The following ARID1B variants were observed in gnomAD, a reference collection of about 807,000 sequenced individuals.
ARID1B encodes the protein AT-rich interaction domain 1B, also known as AT-rich interactive domain-containing protein 1B.
A neutral mutation model predicts 212.3 loss-of-function variants in ARID1B; 30 were observed. The ratio of observed to expected loss-of-function variants is 0.14; its 90% CI spans 0.11 to 0.19. The LOEUF is 0.19. Ranked by LOEUF, ARID1B falls within the 10% of genes least tolerant of loss-of-function variation. The pLI, the probability that ARID1B is intolerant of heterozygous loss-of-function variation, is 1.00. For missense variants in ARID1B, 2,891 were observed against 3,204.0 expected, an observed-to-expected ratio of 0.90 and a Z score of 2.36; for synonymous variants, 1,402 against 1,301.7, an observed-to-expected ratio of 1.08 and a Z score of -1.66.
chr6:156,950,767 A>T (rs1793524917), intron 4 of ARID1B, among the ~76,000 whole-genome samples: 1 of 152,182 alleles, frequency 6.6e-6, no homozygotes, highest in Non-Finnish European at 1.5e-5. Flanking sequence ...TTGCAAATAG[A>T]TTAATGCACT....
intron 2 of ARID1B, among the ~76,000 whole-genome samples, chr6:156,856,105 G>A (rs1784910797): frequency 6.6e-6 from 1 of 152,214 alleles, no homozygotes; most frequent in Non-Finnish European, 1.5e-5. Context: ...GACAACATGT[G>A]TTCCTAGATA....
intron 4 of ARID1B, among the ~76,000 whole-genome samples, chr6:157,020,694 A>G (rs1434819505): frequency 6.6e-6 from 1 of 152,198 alleles, no homozygotes; most frequent in Non-Finnish European, 1.5e-5. Flanking sequence ...AATTTCCTCA[A>G]AATTATGCTT....
At chr6:156,932,433 A>C (rs1310073151) in intron 3 of ARID1B, among the ~76,000 whole-genome samples, 2 of 110,380 alleles carry the variant, frequency 1.8e-5, no homozygotes, top group African/African-American at 9.6e-5. Context: ...ACAGCAGATA[A>C]ATGTAATTAT....
chr6:157,074,334 C>G (rs1282577184), intron 4 of ARID1B, among the ~76,000 whole-genome samples: 2 of 152,170 alleles, frequency 1.3e-5, no homozygotes, highest in East Asian at 1.9e-4. Flanking sequence ...TCAAGCAATT[C>G]TCGTGCCTCA....
chr6:156,962,857 A>G (rs9397988), intron 4 of ARID1B, among the ~76,000 whole-genome samples: 86,199 of 151,902 alleles, frequency 0.57, 25,178 homozygotes, highest in African/African-American at 0.71. Context: ...ATCTCGGCTC[A>G]CTGCAACCTC....
intron 4 of ARID1B, chr6:157,022,397 C>T (rs190995045): frequency 6.6e-6 from 1 of 152,250 alleles, no homozygotes; most frequent in Non-Finnish European, 1.5e-5. Flanking sequence ...TGTAAAGTTT[C>T]ATCTCCTGCC....
intron 5 of ARID1B, among the ~76,000 whole-genome samples, chr6:157,102,788 G>A (rs903574905): frequency 6.6e-6 from 1 of 151,554 alleles, no homozygotes; most frequent in East Asian, 1.9e-4. Context: ...TAGTAGAGAC[G>A]GGGTTTCACC....
chr6:156,875,044 GCT>G (rs543586532), intron 2 of ARID1B, among the ~76,000 whole-genome samples: 32 of 152,290 alleles, frequency 2.1e-4, no homozygotes, highest in Admixed American at 1.1e-3. Context: ...ACTTTTACTT[GCT>G]AAATTTTACA....
At chr6:156,998,177 G>T (rs6930554) in intron 4 of ARID1B, among the ~76,000 whole-genome samples, 2 of 150,516 alleles carry the variant, frequency 1.3e-5, no homozygotes, top group African/African-American at 4.9e-5. Flanking sequence ...TAGCTTTTCT[G>T]TTTTGCTCCC....
chr6:156,837,191 TTGTTC>T (rs1554257615), intron 2 of ARID1B, among the ~76,000 whole-genome samples: 1 of 152,248 alleles, frequency 6.6e-6, no homozygotes. Context: ...ATGTAAGTCT[TTGTTC>T]TGCAAGAACC....
chr6:157,092,007 A>C (rs1785313844), intron 5 of ARID1B, among the ~76,000 whole-genome samples: 1 of 152,224 alleles, frequency 6.6e-6, no homozygotes, highest in Non-Finnish European at 1.5e-5. Context: ...GTTGCAAGGA[A>C]GATGCATGCT....
intron 4 of ARID1B, among the ~76,000 whole-genome samples, chr6:157,077,631 TC>T (rs1784389347): frequency 6.6e-6 from 1 of 152,198 alleles, no homozygotes; most frequent in Non-Finnish European, 1.5e-5. Flanking sequence ...TGGACCCCAG[TC>T]CCTGGACATT....
intron 4 of ARID1B, among the ~76,000 whole-genome samples, chr6:156,976,129 A>G (rs577935884): frequency 6.6e-6 from 1 of 152,162 alleles, no homozygotes; most frequent in Non-Finnish European, 1.5e-5. Flanking sequence ...TGGGGCAGGA[A>G]CAAATCACAA....
chr6:157,077,863 A>G (rs1189983233), intron 4 of ARID1B, among the ~76,000 whole-genome samples: 1 of 152,164 alleles, frequency 6.6e-6, no homozygotes, highest in African/African-American at 2.4e-5. Context: ...CACAGCACCA[A>G]CTACAAAACT....
At chr6:156,853,178 TCTTA>T (rs988293080) in intron 2 of ARID1B, among the ~76,000 whole-genome samples, 6 of 152,252 alleles carry the variant, frequency 3.9e-5, no homozygotes, top group African/African-American at 9.6e-5. Context: ...GTGCTTTAAA[TCTTA>T]CTTAACACAT....
At chr6:157,167,279 G>C (rs2128291946) in intron 9 of ARID1B, 94 bp downstream of exon 9, 10 of 1,452,870 alleles carry the variant, frequency 6.9e-6, no homozygotes, top group Non-Finnish European at 9.1e-6. Flanking sequence ...GCCCGAGAAG[G>C]TGGATCAGTT....
chr6:157,122,369 CAA>C (rs1787788878), intron 6 of ARID1B, among the ~76,000 whole-genome samples: 1 of 152,198 alleles, frequency 6.6e-6, no homozygotes, highest in Non-Finnish European at 1.5e-5. Flanking sequence ...ACAGTCCTTT[CAA>C]AATGCAGACT....
intron 4 of ARID1B, among the ~76,000 whole-genome samples, chr6:157,048,397 G>C (rs1782380983): frequency 6.6e-6 from 1 of 152,188 alleles, no homozygotes; most frequent in East Asian, 1.9e-4. Flanking sequence ...AATGCATCCT[G>C]TGGGTCCATT....
chr6:157,042,396 C>A (rs1304584583), intron 4 of ARID1B, among the ~76,000 whole-genome samples: 1 of 152,150 alleles, frequency 6.6e-6, no homozygotes, highest in African/African-American at 2.4e-5. Context: ...AAATGGACAT[C>A]AGAATTCCAC....
Sources: gnomAD v4.1 joint callset for allele counts (sites outside exome capture counted in the v4.1 genomes callset) on GRCh38, gnomAD v4.1.1 for gene constraint, MANE v1.5 for transcripts, NCBI Gene and HGNC (gene_info 2026-07-23, HGNC 2026-07-21) for gene names.